ITFG1: variants seen among roughly 807,000 people sequenced by gnomAD.
ITFG1 encodes the protein T-cell immunomodulatory protein.
Under a neutral mutation model 81.8 loss-of-function variants are expected in ITFG1, and 34 were observed. That is an observed-to-expected ratio of 0.42 (90% CI 0.32 to 0.55). ITFG1 has a LOEUF of 0.55. ITFG1 is among the 20% of genes least tolerant of loss of function. The probability of loss-of-function intolerance (pLI) is 0.17; values close to 1 mark genes in which losing one functional copy is unlikely to be tolerated. For missense variants in ITFG1, 672 were observed against 755.4 expected (o/e 0.89, Z 1.29); for synonymous variants, 285 against 270.6 (o/e 1.05, Z -0.52).
intron 6 of ITFG1, among the ~76,000 whole-genome samples, chr16:47,408,959 G>T (rs1968764545): frequency 6.6e-6 from 1 of 152,026 alleles, no homozygotes; most frequent in Non-Finnish European, 1.5e-5. Context: ...ACACATATAC[G>T]TAACGTGTCA....
At chr16:47,241,488 G>A (rs370524764) in intron 12 of ITFG1, among the ~76,000 whole-genome samples, 5 of 152,170 alleles carry the variant, frequency 3.3e-5, no homozygotes, top group Admixed American at 6.5e-5. Flanking sequence ...AAGTACTGAC[G>A]CATATTATAA....
intron 13 of ITFG1, among the ~76,000 whole-genome samples, chr16:47,237,574 T>C (rs1010002904): frequency 2.0e-5 from 3 of 152,228 alleles, no homozygotes; most frequent in African/African-American, 7.2e-5. Flanking sequence ...AGTCACTAAT[T>C]GCCTACTATA....
chr16:47,326,301 T>C (rs929828984), intron 8 of ITFG1, among the ~76,000 whole-genome samples: 2 of 152,086 alleles, frequency 1.3e-5, no homozygotes, highest in African/African-American at 2.4e-5. Flanking sequence ...TCTCAATAAA[T>C]TAGGTATTGA....
At chr16:47,379,634 G>T (rs527793543) in intron 6 of ITFG1, among the ~76,000 whole-genome samples, 6 of 150,978 alleles carry the variant, frequency 4.0e-5, no homozygotes, top group Non-Finnish European at 8.8e-5. Context: ...GCAGTGAGCC[G>T]AGATGGCGCC....
chr16:47,414,861 C>T (rs1968854810), intron 6 of ITFG1, among the ~76,000 whole-genome samples: 1 of 152,170 alleles, frequency 6.6e-6, no homozygotes, highest in Non-Finnish European at 1.5e-5. Context: ...TCATAGCCTT[C>T]TGTTTTTACC....
chr16:47,279,765 G>GT (rs1966433734), intron 10 of ITFG1, among the ~76,000 whole-genome samples: 1 of 152,098 alleles, frequency 6.6e-6, no homozygotes, highest in African/African-American at 2.4e-5. Flanking sequence ...CCTGAATATG[G>GT]TATGTCTCAC....
At chr16:47,240,295 CAA>C (rs565661862) in intron 12 of ITFG1, among the ~76,000 whole-genome samples, 21 of 52,474 alleles carry the variant, frequency 4.0e-4, no homozygotes, top group East Asian at 5.8e-4. Context: ...GATCCTGTCT[CAA>C]AAAAAAAAAA....
intron 14 of ITFG1, among the ~76,000 whole-genome samples, chr16:47,197,074 A>G (rs1965366997): frequency 6.6e-6 from 1 of 152,226 alleles, no homozygotes. Flanking sequence ...AAGGAAATAA[A>G]AGTACTTAAC....
At chr16:47,389,511 C>T (rs559256737) in intron 6 of ITFG1, among the ~76,000 whole-genome samples, 1 of 152,178 alleles carries the variant, frequency 6.6e-6, no homozygotes, top group African/African-American at 2.4e-5. Context: ...GAAACAGTAA[C>T]TAAGAAGGTT....
At chr16:47,358,203 C>CT (rs1968065288) in intron 8 of ITFG1, among the ~76,000 whole-genome samples, 1 of 152,198 alleles carries the variant, frequency 6.6e-6, no homozygotes, top group South Asian at 2.1e-4. Context: ...CCAAAAATTT[C>CT]TAATAGCATT....
At chr16:47,309,980 A>G (rs1005598995) in intron 10 of ITFG1, among the ~76,000 whole-genome samples, 10 of 152,190 alleles carry the variant, frequency 6.6e-5, no homozygotes, top group African/African-American at 2.4e-4. Flanking sequence ...ATGTGCCACT[A>G]TGCTTTTAAA....
intron 5 of ITFG1, among the ~76,000 whole-genome samples, chr16:47,443,553 G>C (rs1250784302): frequency 3.9e-5 from 6 of 152,170 alleles, no homozygotes; most frequent in Non-Finnish European, 8.8e-5. Context: ...ATACACCATG[G>C]AATACTATGC....
intron 14 of ITFG1, among the ~76,000 whole-genome samples, chr16:47,209,523 T>C (rs1435914576): frequency 1.3e-5 from 2 of 152,186 alleles, no homozygotes; most frequent in African/African-American, 2.4e-5. Context: ...CATGCAGATA[T>C]AGAAATAATG....
rs58886060 is a variant in ITFG1, at chr16:47,205,828, TTATCTATCTATCTATCTATC to T, written c.1453+13020_1453+13039del. Among the ~76,000 whole-genome samples, 1,131 of 143,072 alleles carry T rather than the reference TTATCTATCTATCTATCTATC, an allele frequency of 7.9e-3. 6 individuals are homozygous for T. Among genetic ancestry groups the T allele is most frequent in the Middle Eastern group, 0.01 (3 of 288 alleles). 93.9% of individuals were successfully genotyped at this position (143,072 alleles called of 152,430 possible). A position where few individuals can be genotyped will look rare whatever the true frequency, so the allele number is the denominator to read the frequency against. On this transcript the variant is annotated intron_variant, in intron 14 of 17. Coordinates refer to ENST00000320640, the MANE Select transcript of ITFG1 (RefSeq NM_030790.5). ...GTCAATTTCCCCAGCTGGAATTAAA[TTATCTATCTATCTATCTATC>T]TATCTATCTATCTATCTATCTATCT...
At chr16:47,218,782 A>AAAAATTTAT in intron 14 of ITFG1, 86 bp downstream of exon 14, 4 of 689,480 alleles carry the variant, frequency 5.8e-6, no homozygotes, top group Non-Finnish European at 9.4e-6. Flanking sequence ...AGGAGTGTGA[A>AAAAATTTAT]AACATAATTT....
At chr16:47,281,860 CTATT>C (rs1269417445) in intron 10 of ITFG1, among the ~76,000 whole-genome samples, 2 of 151,612 alleles carry the variant, frequency 1.3e-5, no homozygotes, top group East Asian at 1.9e-4. Context: ...TCTGTTTTTA[CTATT>C]TATTTATTTT....
intron 10 of ITFG1, among the ~76,000 whole-genome samples, chr16:47,282,863 T>C (rs911494298): frequency 2.6e-5 from 4 of 152,182 alleles, no homozygotes; most frequent in Admixed American, 2.0e-4. Context: ...TTTTTCATGC[T>C]TGTCAGTCAC....
At chr16:47,157,295 G>T (rs557426663) in intron 17 of ITFG1, among the ~76,000 whole-genome samples, 9 of 152,120 alleles carry the variant, frequency 5.9e-5, no homozygotes, top group African/African-American at 2.2e-4. Flanking sequence ...GAGGGCCAGG[G>T]GCAGACACTG....
At chr16:47,221,545 T>C (rs1965691347) in intron 13 of ITFG1, among the ~76,000 whole-genome samples, 1 of 152,322 alleles carries the variant, frequency 6.6e-6, no homozygotes, top group African/African-American at 2.4e-5. Flanking sequence ...TAAAATTCTC[T>C]TTTTTGCTTG....
Sources: allele counts gnomAD v4.1 joint callset (sites outside exome capture counted in the v4.1 genomes callset), GRCh38; gene constraint gnomAD v4.1.1; transcripts MANE v1.5; gene names NCBI Gene and HGNC (gene_info 2026-07-23, HGNC 2026-07-21).